The following IPCEF1 variants were observed in gnomAD, a reference collection of about 807,000 sequenced individuals.
The protein encoded by IPCEF1 is interaction protein for cytohesin exchange factors 1, also known as interactor protein for cytohesin exchange factors 1.
IPCEF1 carries 31 observed loss-of-function variants against 50.9 expected under a neutral mutation model. The observed-to-expected ratio is 0.61, with a 90% CI of 0.46 to 0.82. IPCEF1 has a LOEUF of 0.82. Among genes scored for constraint, IPCEF1 ranks in the 40% least tolerant of loss-of-function variants. The pLI, the probability that IPCEF1 is intolerant of heterozygous loss-of-function variation, is 0.00. For missense variants in IPCEF1, 458 were observed against 514.0 expected, an observed-to-expected ratio of 0.89 and a Z score of 1.05; for synonymous variants, 181 against 192.0, an observed-to-expected ratio of 0.94 and a Z score of 0.47.
rs139885239 is a variant in IPCEF1 at position 154,200,631 on chromosome 6, G to A, written c.538-591C>T. On this transcript the variant is annotated intron_variant, in intron 9 of 11. Transcript: ENST00000367220. ...AGCTATTCAGGAGACTGAGGCAGGA[G>A]AATCACTTGAACCTGGGAGGCAGAG... 4.6e-5 allele frequency among the ~76,000 whole-genome samples: 7 copies of A among 152,242 alleles called. No individual in the cohort carries two copies. In the East Asian group the frequency reaches 1.4e-3, roughly 29 times the overall value.
intron 2 of IPCEF1, among the ~76,000 whole-genome samples, chr6:154,271,009 C>G (rs892881201): frequency 6.6e-5 from 10 of 151,788 alleles, no homozygotes; most frequent in Non-Finnish European, 1.0e-4. Flanking sequence ...CAAAAAAACT[C>G]TTCTTTTAGC....
chr6:154,284,695 A>C (rs1782313501), intron 2 of IPCEF1, among the ~76,000 whole-genome samples: 1 of 152,150 alleles, frequency 6.6e-6, no homozygotes, highest in Non-Finnish European at 1.5e-5. Flanking sequence ...CTGAACATAC[A>C]GTGTGGGTAA....
intron 9 of IPCEF1, among the ~76,000 whole-genome samples, chr6:154,208,056 C>T (rs1777643915): frequency 6.6e-6 from 1 of 152,172 alleles, no homozygotes; most frequent in African/African-American, 2.4e-5. Flanking sequence ...CCTCCCACTT[C>T]CCAGTGTCTG....
chr6:154,186,969 C>T (rs909184242), intron 10 of IPCEF1, among the ~76,000 whole-genome samples: 1 of 152,130 alleles, frequency 6.6e-6, no homozygotes, highest in Non-Finnish European at 1.5e-5. Flanking sequence ...TCACCGCCTA[C>T]ATGGCCCTAC....
chr6:154,207,220 G>T (rs1480319566), intron 9 of IPCEF1, among the ~76,000 whole-genome samples: 1 of 152,218 alleles, frequency 6.6e-6, no homozygotes, highest in Non-Finnish European at 1.5e-5. Flanking sequence ...AGGAGAGCAG[G>T]CTGTGAATGA....
chr6:154,221,601 C>T (rs1562550543), intron 6 of IPCEF1, among the ~76,000 whole-genome samples: 1 of 152,090 alleles, frequency 6.6e-6, no homozygotes, highest in African/African-American at 2.4e-5. Flanking sequence ...TGGCCGGGCA[C>T]GGTGGCTCAC....
chr6:154,355,709 G>A (rs972990592), intron 1 of IPCEF1, among the ~76,000 whole-genome samples: 14 of 151,896 alleles, frequency 9.2e-5, no homozygotes, highest in East Asian at 5.8e-4. Flanking sequence ...GGCTGGTCTC[G>A]AACTCCTGAC....
chr6:154,316,860 C>T (rs1325351326), intron 1 of IPCEF1, among the ~76,000 whole-genome samples: 3 of 151,870 alleles, frequency 2.0e-5, no homozygotes, highest in Non-Finnish European at 4.4e-5. Context: ...ACAACATGTA[C>T]CTAGTAAGTA....
chr6:154,167,661 CT>C (rs553671639), intron 11 of IPCEF1, among the ~76,000 whole-genome samples: 182 of 152,282 alleles, frequency 1.2e-3, no homozygotes, highest in Non-Finnish European at 1.3e-3. Context: ...TGTCCAGAAG[CT>C]TAAAATTTGA....
At chr6:154,343,262 A>T (rs980407831) in intron 1 of IPCEF1, among the ~76,000 whole-genome samples, 33 of 152,178 alleles carry the variant, frequency 2.2e-4, no homozygotes, top group African/African-American at 5.5e-4. Flanking sequence ...ATTTTCTCAA[A>T]GCCACTGCAT....
rs1800130883 is a variant in IPCEF1 at position 154,174,423 on chromosome 6, C to T, written c.911-6310G>A. Among the ~76,000 whole-genome samples, 4 of 152,092 alleles carry T rather than the reference C, an allele frequency of 2.6e-5. No homozygotes were observed. The South Asian group carries it at 8.3e-4, about 32-fold the overall frequency. ...CCATCAGTGTGCTATATTCAGGAGA[C>T]CCATCTCACGTGCAGAGACACACAC... On this transcript the variant is annotated intron_variant, in intron 10 of 11. Coordinates refer to ENST00000367220, the MANE Select transcript of IPCEF1 (RefSeq NM_001130700.2).
chr6:154,192,745 C>T (rs1483668417), intron 10 of IPCEF1, among the ~76,000 whole-genome samples: 2 of 152,034 alleles, frequency 1.3e-5, no homozygotes, highest in Non-Finnish European at 2.9e-5. Context: ...ATACAAATGG[C>T]CAACAAACAC....
intron 1 of IPCEF1, among the ~76,000 whole-genome samples, chr6:154,333,796 T>C (rs1476180669): frequency 1.3e-5 from 2 of 151,844 alleles, no homozygotes; most frequent in South Asian, 2.1e-4. Flanking sequence ...TGTATATATG[T>C]ATATATATGT....
At chr6:154,258,743 A>G (rs1424403784) in intron 3 of IPCEF1, among the ~76,000 whole-genome samples, 1 of 152,194 alleles carries the variant, frequency 6.6e-6, no homozygotes, top group African/African-American at 2.4e-5. Context: ...CCCCGTCTAC[A>G]GTCTAGATCC....
Position 154,197,696 on chromosome 6 carries a change from G to A in IPCEF1, c.910+1972C>T, listed in dbSNP as rs899254320. 4.6e-5 allele frequency among the ~76,000 whole-genome samples: 7 copies of A among 152,194 alleles called. No homozygotes were observed. The East Asian group carries it at 1.3e-3, about 29-fold the overall frequency. On this transcript the variant is annotated intron_variant, in intron 10 of 11. Coordinates refer to ENST00000367220, the MANE Select transcript of IPCEF1 (RefSeq NM_001130700.2). ...TGGCATTTAGCCAGGAACAAGGACT[G>A]TTGCATCTTCCCATGTCTCTGGCTA...
chr6:154,220,509 G>A (rs1041374689), intron 7 of IPCEF1, among the ~76,000 whole-genome samples: 2 of 152,100 alleles, frequency 1.3e-5, no homozygotes, highest in African/African-American at 4.8e-5. Context: ...AAATTAGCTG[G>A]GCATGGTGGT....
chr6:154,347,652 T>C (rs1784056399), intron 1 of IPCEF1, among the ~76,000 whole-genome samples: 1 of 152,230 alleles, frequency 6.6e-6, no homozygotes, highest in Non-Finnish European at 1.5e-5. Flanking sequence ...CACCAGCCTA[T>C]AGAAAGAAGG....
At chr6:154,251,127 T>C (rs1190924063) in intron 3 of IPCEF1, among the ~76,000 whole-genome samples, 4 of 152,214 alleles carry the variant, frequency 2.6e-5, no homozygotes, top group Non-Finnish European at 5.9e-5. Flanking sequence ...CATGAAAAGC[T>C]TGCTTAATTT....
intron 10 of IPCEF1, among the ~76,000 whole-genome samples, chr6:154,197,548 T>C (rs1776712479): frequency 6.6e-6 from 1 of 152,358 alleles, no homozygotes; most frequent in East Asian, 1.9e-4. Flanking sequence ...TTTGAAGAAG[T>C]ATACAGATTT....
Sources: gnomAD v4.1 joint callset for allele counts (sites outside exome capture counted in the v4.1 genomes callset) on GRCh38, gnomAD v4.1.1 for gene constraint, MANE v1.5 for transcripts, NCBI Gene and HGNC (gene_info 2026-07-23, HGNC 2026-07-21) for gene names.